Variants in GRIK4 observed in about 807,000 individuals in gnomAD.
GRIK4 encodes the protein glutamate ionotropic receptor kainate type subunit 4, also known as glutamate receptor ionotropic, kainate 4.
GRIK4 carries 40 observed loss-of-function variants against 104.9 expected under a neutral mutation model. The ratio of observed to expected loss-of-function variants is 0.38; its 90% confidence interval spans 0.30 to 0.50. The LOEUF is 0.50. GRIK4 is among the 20% of genes least tolerant of loss of function. The probability of loss-of-function intolerance (pLI) is 0.93; values close to 1 mark genes in which losing one functional copy is unlikely to be tolerated. For synonymous variants in GRIK4, 485 were observed against 524.9 expected (o/e 0.92, Z 1.04); for missense variants, 1,047 against 1,308.1 (o/e 0.80, Z 3.08).
intron 1 of GRIK4, among the ~76,000 whole-genome samples, chr11:120,601,828 G>A (rs77945902): frequency 6.6e-6 from 1 of 152,180 alleles, no homozygotes; most frequent in East Asian, 1.9e-4. Context: ...TGCCCTCTGT[G>A]TTCCTGGTCC....
At chr11:120,834,263 G>GGTGTGTGT (rs141196181) in intron 7 of GRIK4, among the ~76,000 whole-genome samples, 7,187 of 146,002 alleles carry the variant, frequency 0.049, 187 homozygotes, top group South Asian at 0.067. Flanking sequence ...ACACTTTATA[G>GGTGTGTGT]GTGTGTGTGT....
chr11:120,787,868 T>C (rs1487583945), intron 3 of GRIK4, among the ~76,000 whole-genome samples: 2 of 121,084 alleles, frequency 1.7e-5, no homozygotes, highest in South Asian at 5.9e-4. Flanking sequence ...TTTTTTTTTT[T>C]TTTTTTTTTT....
chr11:120,621,715 T>C (rs1949191895), intron 1 of GRIK4, among the ~76,000 whole-genome samples: 2 of 152,182 alleles, frequency 1.3e-5, no homozygotes, highest in African/African-American at 4.8e-5. Context: ...CTTTGGGCCT[T>C]ATTTTCTTCC....
intron 6 of GRIK4, among the ~76,000 whole-genome samples, chr11:120,825,460 G>A (rs1953233935): frequency 6.6e-6 from 1 of 152,258 alleles, no homozygotes; most frequent in Non-Finnish European, 1.5e-5. Flanking sequence ...GCACACATGA[G>A]TTTTCCTTTC....
At chr11:120,716,168 A>G (rs1000379359) in intron 3 of GRIK4, among the ~76,000 whole-genome samples, 4 of 147,306 alleles carry the variant, frequency 2.7e-5, no homozygotes, top group Non-Finnish European at 5.9e-5. Context: ...AGAAGAAGGA[A>G]CCAGAGCTTG....
intron 3 of GRIK4, among the ~76,000 whole-genome samples, chr11:120,797,614 C>A (rs940260500): frequency 2.6e-5 from 4 of 152,144 alleles, no homozygotes; most frequent in Non-Finnish European, 5.9e-5. Context: ...ATGTTTTATG[C>A]CAGCCAACCA....
chr11:120,866,668 C>T (rs115551854), intron 9 of GRIK4, among the ~76,000 whole-genome samples: 1 of 152,070 alleles, frequency 6.6e-6, no homozygotes, highest in African/African-American at 2.4e-5. Flanking sequence ...TGAGCTGCAC[C>T]GGCTCAAGGC....
intron 4 of GRIK4, among the ~76,000 whole-genome samples, chr11:120,813,616 T>C (rs1413766254): frequency 6.6e-6 from 1 of 152,166 alleles, no homozygotes; most frequent in Non-Finnish European, 1.5e-5. Context: ...TATGGTAAAT[T>C]GCAATGCTGG....
chr11:120,583,205 G>C (rs993635887), intron 1 of GRIK4, among the ~76,000 whole-genome samples: 3 of 152,002 alleles, frequency 2.0e-5, no homozygotes, highest in African/African-American at 4.8e-5. Flanking sequence ...AGGTTGTTTG[G>C]TTTTTGCTTG....
At position 120,862,100 on chromosome 11, in the gene GRIK4, G is replaced by C. The variant is rs774073736; in HGVS notation, c.886G>C (p.Val296Leu). The change falls in exon 9 of 21, where the codon GTG becomes CTG. Residue 296 changes from valine (V) to leucine (L), a missense_variant. Around this residue, in one of 3 missense-constraint regions of GRIK4, gnomAD observed 447 missense variants for 514.9 expected, o/e 0.87. Transcript: ENST00000527524. ...GTCCTGGCAGGAGAACTGTGACCAT[G>C]TGCCCTTCACTGGGCCTGCGGTAAG... ...NQSWQENCDH[V>L]PFTGPALSSA... is the part of the protein sequence containing the mutation. 2.5e-6 allele frequency: 4 copies of C among 1,614,062 alleles called. No homozygotes were observed. Among genetic ancestry groups the C allele is most frequent in the South Asian group, 2.2e-5 (2 of 91,068 alleles).
intron 3 of GRIK4, among the ~76,000 whole-genome samples, chr11:120,681,509 G>A (rs1950193102): frequency 6.6e-6 from 1 of 152,094 alleles, no homozygotes; most frequent in Non-Finnish European, 1.5e-5. Context: ...GCCCCGCTAA[G>A]TATTTACTCT....
intron 3 of GRIK4, among the ~76,000 whole-genome samples, chr11:120,699,283 C>T (rs1462663328): frequency 6.6e-6 from 1 of 152,178 alleles, no homozygotes; most frequent in Non-Finnish European, 1.5e-5. Flanking sequence ...AAGGAAAGAT[C>T]AAACTAGCTC....
At chr11:120,921,504 C>CA (rs1410174083) in intron 13 of GRIK4, among the ~76,000 whole-genome samples, 57 of 152,350 alleles carry the variant, frequency 3.7e-4, no homozygotes, top group African/African-American at 1.3e-3. Context: ...AGGGAAAGCA[C>CA]AGCAGCAGTC....
At chr11:120,700,899 C>T (rs984160042) in intron 3 of GRIK4, among the ~76,000 whole-genome samples, 8 of 152,176 alleles carry the variant, frequency 5.3e-5, no homozygotes, top group African/African-American at 1.9e-4. Context: ...GGCCATATTA[C>T]TGCATTTTTA....
At chr11:120,606,979 G>C (rs1213313689) in intron 1 of GRIK4, among the ~76,000 whole-genome samples, 1 of 152,196 alleles carries the variant, frequency 6.6e-6, no homozygotes, top group African/African-American at 2.4e-5. Context: ...GGAGGTAAGA[G>C]CAGGTCACAG....
At chr11:120,916,076 A>G (rs1291516249) in intron 13 of GRIK4, among the ~76,000 whole-genome samples, 1 of 152,212 alleles carries the variant, frequency 6.6e-6, no homozygotes, top group Non-Finnish European at 1.5e-5. Context: ...AAGTTGGCCC[A>G]GGAGAATGGT....
In GRIK4 at chr11:120,905,518, GCCTGAGGGT is replaced by G; in HGVS notation, c.1476+26_1476+34del. ...GGTAAGGAGAGGACAAGTGATCTGG[GCCTGAGGGT>G]GGGCTGGGAGGGATTGGAAGAGCAT... On this transcript the variant is annotated intron_variant, in intron 13 of 20. Transcript: ENST00000527524. This position sits in a 1 kb window ranked among gnomAD's most constrained non-coding sequence, Gnocchi z 5.1. 3.0e-6 allele frequency: 2 copies of G among 658,892 alleles called. No homozygotes were observed. The highest frequency in any genetic ancestry group is 2.7e-6 in the Non-Finnish European group (1 of 376,830). 40.8% of individuals were successfully genotyped at this position (658,892 alleles called of 1,614,324 possible).
chr11:120,779,215 G>A (rs1172693688), intron 3 of GRIK4, among the ~76,000 whole-genome samples: 1 of 152,194 alleles, frequency 6.6e-6, no homozygotes, highest in African/African-American at 2.4e-5. Flanking sequence ...TCTTGGAGAA[G>A]GTAGTCCGCA....
intron 3 of GRIK4, among the ~76,000 whole-genome samples, chr11:120,756,917 G>T (rs1951664336): frequency 6.6e-6 from 1 of 152,188 alleles, no homozygotes; most frequent in African/African-American, 2.4e-5. Flanking sequence ...GCCAGCCCCT[G>T]CCCAGCTTGC....
Sources: gnomAD v4.1 joint callset for allele counts (sites outside exome capture counted in the v4.1 genomes callset) on GRCh38, gnomAD v4.1.1 for gene constraint, gnomAD v4.1.1 regional missense constraint, Gnocchi (gnomAD v3.1) non-coding constraint, MANE v1.5 for transcripts, NCBI Gene and HGNC (gene_info 2026-07-23, HGNC 2026-07-21) for gene names.